The following SSU72 variants were observed in gnomAD, a reference collection of about 807,000 sequenced individuals.
SSU72 encodes RNA polymerase II subunit A C-terminal domain phosphatase SSU72.
SSU72 carries 12 observed loss-of-function variants against 22.7 expected under a neutral mutation model. The observed-to-expected ratio is 0.53, with a 90% CI of 0.34 to 0.86. SSU72 has a LOEUF of 0.86. Ranked by LOEUF, SSU72 falls within the 40% of genes least tolerant of loss-of-function variation. The pLI, the probability that SSU72 is intolerant of heterozygous loss-of-function variation, is 0.02. For synonymous variants in SSU72, 116 were observed against 98.3 expected (o/e 1.18, Z -1.06); for missense variants, 151 against 249.8 (o/e 0.60, Z 2.67).
rs1169308811 is a variant in SSU72 at position 1,546,860 on chromosome 1, CAAAAA to C, written c.225-1863_225-1859del. ...TCCTTCTGGAAAACAACAACAACAA[CAAAAA>C]AAAAAAAAAAAAAAAAAAAGGCCGG... On this transcript the variant is annotated intron_variant, in intron 2 of 4. Transcript: ENST00000291386. Among the ~76,000 whole-genome samples the C allele has an allele frequency of 1.6e-4, 12 of 75,148 alleles. 1 individual carries two copies. The highest frequency in any genetic ancestry group is 3.5e-4 in the Admixed American group (2 of 5,700). 49.3% of individuals were successfully genotyped at this position (75,148 alleles called of 152,430 possible).
rs1642329802 is a variant in SSU72 at position 1,542,200 on chromosome 1, C to T, written c.484-33G>A. The T allele has an allele frequency of 8.4e-6, 13 of 1,548,334 alleles. No individual in the cohort carries two copies. Among genetic ancestry groups the T allele is most frequent in the African/African-American group, 1.4e-5 (1 of 73,348 alleles). Reference sequence around the variant, plus strand: ...GACAGGACCGTGGTGAGGGCCTTGCCCACTCCTGCCTGTCTGCTCCCCCTA... The same window carrying T: ...GACAGGACCGTGGTGAGGGCCTTGCTCACTCCTGCCTGTCTGCTCCCCCTA... On this transcript the variant is annotated intron_variant, in intron 4 of 4. Coordinates refer to ENST00000291386, the MANE Select transcript of SSU72 (RefSeq NM_014188.3). This position sits in a 1 kb window ranked among gnomAD's most constrained non-coding sequence, Gnocchi z 4.4.
rs547278748 is a variant in SSU72 at position 1,554,576 on chromosome 1, C to T, written c.225-9574G>A. Among the ~76,000 whole-genome samples the T allele has an allele frequency of 3.3e-5, 5 of 152,130 alleles. No homozygotes were observed. Among genetic ancestry groups the T allele is most frequent in the African/African-American group, 9.7e-5 (4 of 41,406 alleles). ...GGGCCTTAGTGGGACCAGAACATCC[C>T]GGGGAGTTAGAATGAGCGCAGCTGC... is the stretch of plus-strand genomic sequence containing the variant. On this transcript the variant is annotated intron_variant, in intron 2 of 4. Transcript: ENST00000291386. This position sits in a 1 kb window ranked among gnomAD's most constrained non-coding sequence, Gnocchi z 4.1.
At chr1:1,544,828 C>T in intron 3 of SSU72, 35 bp downstream of exon 3, 1 of 1,613,736 alleles carries the variant, frequency 6.2e-7, no homozygotes, top group South Asian at 1.1e-5. Context: ...GTGAGAGCTG[C>T]TGGAGCCCAG....
intron 2 of SSU72, chr1:1,545,602 G>C (rs1439327554): frequency 6.6e-6 from 1 of 152,638 alleles, no homozygotes; most frequent in African/African-American, 2.4e-5. Flanking sequence ...GAGGTCAGGA[G>C]ACCGAGACCA....
Position 1,542,291 on chromosome 1 carries a change from C to T in SSU72, c.484-124G>A. The T allele has an allele frequency of 2.3e-6, 2 of 864,916 alleles. No homozygotes were observed. The highest frequency in any genetic ancestry group is 3.6e-6 in the Non-Finnish European group (2 of 556,738). The allele number at this position is 864,916 out of a possible 1,614,324, so 53.6% of individuals were successfully genotyped here. A position where few individuals can be genotyped will look rare whatever the true frequency, so the allele number is the denominator to read the frequency against. On this transcript the variant is annotated intron_variant, in intron 4 of 4. Coordinates refer to ENST00000291386, the MANE Select transcript of SSU72 (RefSeq NM_014188.3). This position sits in a 1 kb window ranked among gnomAD's most constrained non-coding sequence, Gnocchi z 4.4. ...GAAACCAGCGCAGCAGGCAGGCCCT[C>T]ACCCCACCGCTGCTGCCTCACAAGG...
chr1:1,569,323 T>C (rs887835516), intron 1 of SSU72, among the ~76,000 whole-genome samples: 5 of 152,166 alleles, frequency 3.3e-5, no homozygotes, highest in African/African-American at 9.7e-5. Context: ...CGGAGTCTTC[T>C]GGCGCTGCCC....
chr1:1,564,693 C>A (rs1383882804), intron 2 of SSU72, 80 bp downstream of exon 2: 2 of 1,614,116 alleles, frequency 1.2e-6, no homozygotes, highest in Non-Finnish European at 8.5e-7. Flanking sequence ...GGGTGACACG[C>A]CTCCTGTGCC....
Position 1,549,547 on chromosome 1 carries a change from A to G in SSU72, c.225-4545T>C, listed in dbSNP as rs115909803. Among the ~76,000 whole-genome samples, 1,240 of 151,818 alleles carry G rather than the reference A, an allele frequency of 8.2e-3. 20 individuals carry two copies. The highest frequency in any genetic ancestry group is 0.029 in the African/African-American group (1,183 of 41,412). ...AAAAAAAAAGAAAGAAAAAGAAAAA[A>G]AAAGGCTGCAGCCAGGCATGGTGGC... is the stretch of plus-strand genomic sequence containing the variant. On this transcript the variant is annotated intron_variant, in intron 2 of 4. Transcript: ENST00000291386.
intron 2 of SSU72, among the ~76,000 whole-genome samples, chr1:1,551,808 T>C (rs1469625603): frequency 6.6e-6 from 1 of 151,906 alleles, no homozygotes; most frequent in Non-Finnish European, 1.5e-5. Context: ...TGAGGGAGGG[T>C]GGTGGGGCCC....
At chr1:1,546,789 GC>G (rs1642394208) in intron 2 of SSU72, among the ~76,000 whole-genome samples, 1 of 145,644 alleles carries the variant, frequency 6.9e-6, no homozygotes, top group South Asian at 2.2e-4. Context: ...GTTGCAGTGA[GC>G]CGAGATCACA....
At chr1:1,563,071 C>A (rs1178282662) in intron 2 of SSU72, 5 of 152,376 alleles carry the variant, frequency 3.3e-5, no homozygotes, top group Admixed American at 3.3e-4. Flanking sequence ...CTCTGCCCAG[C>A]GTCCTCACCC....
At chr1:1,562,739 CCTT>C (rs1642610323) in intron 2 of SSU72, 1 of 152,362 alleles carries the variant, frequency 6.6e-6, no homozygotes, top group African/African-American at 2.4e-5. Flanking sequence ...CCCACCTGCT[CCTT>C]CTCAGCCCAC....
intron 1 of SSU72, among the ~76,000 whole-genome samples, chr1:1,570,265 C>G (rs1234605641): frequency 6.7e-6 from 1 of 148,416 alleles, no homozygotes; most frequent in African/African-American, 2.5e-5. Context: ...CCACTGCACT[C>G]CAGCCTTACT....
At position 1,554,608 on chromosome 1, in the gene SSU72, C is replaced by T. The variant is rs1642497586; in HGVS notation, c.225-9606G>A. ...TTAGAATGAGCGCAGCTGCCCATCC[C>T]ACAGGAGAACCGAGAGGCCAGGACC... On this transcript the variant is annotated intron_variant, in intron 2 of 4. Transcript: ENST00000291386. This position sits in a 1 kb window ranked among gnomAD's most constrained non-coding sequence, Gnocchi z 4.1. 6.6e-6 allele frequency among the ~76,000 whole-genome samples: 1 copy of T among 152,166 alleles called. No individual in the cohort carries two copies. The highest frequency in any genetic ancestry group is 6.5e-5 in the Admixed American group (1 of 15,278).
intron 1 of SSU72, among the ~76,000 whole-genome samples, chr1:1,573,588 T>G (rs1314977181): frequency 6.6e-6 from 1 of 151,918 alleles, no homozygotes; most frequent in African/African-American, 2.4e-5. Context: ...GTGCGGGGAC[T>G]ACACGCGTGA....
At chr1:1,562,693 A>G (rs1470490322) in intron 2 of SSU72, 1 of 152,332 alleles carries the variant, frequency 6.6e-6, no homozygotes, top group East Asian at 1.9e-4. Flanking sequence ...CCTCGCACAA[A>G]GGCATGTCGG....
chr1:1,553,759 T>G (rs1475887714), intron 2 of SSU72, among the ~76,000 whole-genome samples: 1 of 137,582 alleles, frequency 7.3e-6, no homozygotes, highest in East Asian at 2.2e-4. Flanking sequence ...CCACTGCACC[T>G]CCAGCCTGGG....
chr1:1,545,232 C>A, intron 2 of SSU72: 1 of 527,148 alleles, frequency 1.9e-6, no homozygotes, highest in Non-Finnish European at 3.4e-6. Context: ...TCGCTGTCCC[C>A]CAACTCGGCA....
chr1:1,542,214 C>T lies in SSU72; in HGVS notation c.484-47G>A. 4 of 1,530,922 alleles carry T rather than the reference C, an allele frequency of 2.6e-6. No homozygotes were observed. The highest frequency in any genetic ancestry group is 3.5e-6 in the Non-Finnish European group (4 of 1,127,880). The allele number at this position is 1,530,922 out of a possible 1,614,324, so 94.8% of individuals were successfully genotyped here. ...GAGGGCCTTGCCCACTCCTGCCTGT[C>T]TGCTCCCCCTAACACCTGGATCGCC... On this transcript the variant is annotated intron_variant, in intron 4 of 4. Coordinates refer to ENST00000291386, the MANE Select transcript of SSU72 (RefSeq NM_014188.3). This position sits in a 1 kb window ranked among gnomAD's most constrained non-coding sequence, Gnocchi z 4.4.
Sources: gnomAD v4.1 joint callset for allele counts (sites outside exome capture counted in the v4.1 genomes callset) on GRCh38, gnomAD v4.1.1 for gene constraint, Gnocchi (gnomAD v3.1) non-coding constraint, MANE v1.5 for transcripts, NCBI Gene and HGNC (gene_info 2026-07-23, HGNC 2026-07-21) for gene names.